Variants in PCDH15 observed in about 807,000 individuals in gnomAD.
PCDH15 encodes protocadherin related 15, also known as protocadherin-15.
In PCDH15, 129 loss-of-function variants were observed where a neutral mutation model predicts 178.5. The ratio of observed to expected loss-of-function variants is 0.72; its 90% CI spans 0.63 to 0.84. The LOEUF is 0.84. Ranked by LOEUF, PCDH15 falls within the 40% of genes least tolerant of loss-of-function variation. PCDH15 has a pLI of 0.00. For missense variants in PCDH15, 2,230 were observed against 2,099.9 expected (o/e 1.06, Z -1.21); for synonymous variants, 800 against 732.0 (o/e 1.09, Z -1.50).
intron 2 of PCDH15, among the ~76,000 whole-genome samples, chr10:55,020,069 G>A (rs1351002137): frequency 2.0e-5 from 3 of 149,674 alleles, no homozygotes; most frequent in African/African-American, 4.9e-5. Context: ...AAAGAAAATC[G>A]TAGTGGATTA....
chr10:53,851,467 A>AT (rs2078352018), intron 28 of PCDH15, among the ~76,000 whole-genome samples: 1 of 151,160 alleles, frequency 6.6e-6, no homozygotes, highest in Non-Finnish European at 1.5e-5. Context: ...AAATGCAAAA[A>AT]CTCAAAGAGT....
At chr10:54,544,351 A>G (rs768501807) in intron 2 of PCDH15, among the ~76,000 whole-genome samples, 2 of 152,186 alleles carry the variant, frequency 1.3e-5, no homozygotes, top group Admixed American at 6.5e-5. Context: ...TCTAAAACTG[A>G]ATATAATAAA....
intron 3 of PCDH15, among the ~76,000 whole-genome samples, chr10:54,417,738 C>T (rs1249114139): frequency 2.6e-5 from 4 of 151,994 alleles, no homozygotes; most frequent in Non-Finnish European, 5.9e-5. Flanking sequence ...CTGATAATTG[C>T]TACTAATTCA....
intron 2 of PCDH15, among the ~76,000 whole-genome samples, chr10:55,137,014 T>C (rs1340885772): frequency 6.6e-6 from 1 of 152,208 alleles, no homozygotes; most frequent in Admixed American, 6.5e-5. Context: ...TTTTGGCTTA[T>C]TTAAATTTAA....
At chr10:54,706,767 G>A (rs1331339051) in intron 1 of PCDH15, among the ~76,000 whole-genome samples, 1 of 152,110 alleles carries the variant, frequency 6.6e-6, no homozygotes, top group East Asian at 1.9e-4. Flanking sequence ...GGGACTACCA[G>A]TGCATGCCAC....
At chr10:54,667,139 CTTAT>C (rs1182672066) in intron 1 of PCDH15, among the ~76,000 whole-genome samples, 2 of 151,850 alleles carry the variant, frequency 1.3e-5, no homozygotes, top group Non-Finnish European at 2.9e-5. Flanking sequence ...AAATATTATA[CTTAT>C]TTGTCTTTGA....
chr10:53,976,962 C>T (rs12220450), intron 21 of PCDH15, among the ~76,000 whole-genome samples: 1 of 150,934 alleles, frequency 6.6e-6, no homozygotes, highest in Non-Finnish European at 1.5e-5. Flanking sequence ...GATACAAGAC[C>T]CTTCACTGTC....
intron 2 of PCDH15, among the ~76,000 whole-genome samples, chr10:55,477,630 G>A (rs1425434277): frequency 6.6e-6 from 1 of 151,876 alleles, no homozygotes; most frequent in African/African-American, 2.4e-5. Context: ...GATTTCGCAA[G>A]AGATGCCATC....
intron 18 of PCDH15, among the ~76,000 whole-genome samples, chr10:54,042,172 C>T (rs115188264): frequency 0.016 from 2,395 of 152,074 alleles, 65 homozygotes; most frequent in African/African-American, 0.052. Flanking sequence ...ATTTTTGTAA[C>T]GTCTTGGGTG....
intron 3 of PCDH15, among the ~76,000 whole-genome samples, chr10:54,413,833 C>T (rs1953924618): frequency 6.6e-6 from 1 of 152,000 alleles, no homozygotes; most frequent in Non-Finnish European, 1.5e-5. Context: ...CGATAATGGC[C>T]TACAATTGCA....
At chr10:54,739,941 A>G (rs1944575759) in intron 1 of PCDH15, among the ~76,000 whole-genome samples, 1 of 152,044 alleles carries the variant, frequency 6.6e-6, no homozygotes, top group Non-Finnish European at 1.5e-5. Flanking sequence ...AGAAGAAAAC[A>G]TTGGGGAAAC....
chr10:54,515,545 C>T (rs2082124876), intron 3 of PCDH15, among the ~76,000 whole-genome samples: 1 of 152,242 alleles, frequency 6.6e-6, no homozygotes, highest in Non-Finnish European at 1.5e-5. Flanking sequence ...TAGGCTCCAC[C>T]TCTGGGGGCA....
intron 2 of PCDH15, among the ~76,000 whole-genome samples, chr10:54,638,014 G>A (rs554784616): frequency 1.1e-4 from 17 of 152,046 alleles, no homozygotes; most frequent in African/African-American, 4.1e-4. Flanking sequence ...AATTCCTTCA[G>A]ATAACAGATG....
At chr10:54,535,950 A>C (rs1209341554) in intron 2 of PCDH15, among the ~76,000 whole-genome samples, 2 of 152,176 alleles carry the variant, frequency 1.3e-5, no homozygotes, top group Non-Finnish European at 2.9e-5. Context: ...TTCATACCAC[A>C]TGAGTTAGAA....
intron 9 of PCDH15, among the ~76,000 whole-genome samples, chr10:54,226,905 C>T (rs1480537365): frequency 6.6e-6 from 1 of 152,222 alleles, no homozygotes; most frequent in Non-Finnish European, 1.5e-5. Context: ...TCTCCTTTGA[C>T]TCCATGTCTC....
chr10:55,248,924 G>A (rs553816788), intron 1 of PCDH15, among the ~76,000 whole-genome samples: 2 of 152,208 alleles, frequency 1.3e-5, no homozygotes, highest in East Asian at 1.9e-4. Flanking sequence ...ATGATTTAAA[G>A]GACTTGACAA....
intron 3 of PCDH15, among the ~76,000 whole-genome samples, chr10:54,415,521 C>T (rs1954211573): frequency 6.6e-6 from 1 of 151,908 alleles, no homozygotes; most frequent in Non-Finnish European, 1.5e-5. Context: ...CAAATTTTAG[C>T]AATGGGATTA....
rs186877436 is a variant in PCDH15 at position 53,970,030 on chromosome 10, G to C, written c.2869-8138C>G. Among the ~76,000 whole-genome samples, 700 of 152,240 alleles carry C rather than the reference G, an allele frequency of 4.6e-3. 7 individuals carry two copies. The highest frequency in any genetic ancestry group is 7.6e-3 in the Non-Finnish European group (514 of 68,018). ...AACAATATTAACCTTAAATGTAAAT[G>C]GGCTGAATGCTCCAATTAAAAGACA... On this transcript the variant is annotated intron_variant, in intron 21 of 37. Transcript: ENST00000644397.
chr10:53,887,888 C>G (rs1201679283), intron 26 of PCDH15, among the ~76,000 whole-genome samples: 1 of 151,532 alleles, frequency 6.6e-6, no homozygotes, highest in East Asian at 1.9e-4. Context: ...GACTCCATCT[C>G]CAAAAAATAA....
Sources: gnomAD v4.1 joint callset for allele counts (sites outside exome capture counted in the v4.1 genomes callset) on GRCh38, gnomAD v4.1.1 for gene constraint, MANE v1.5 for transcripts, NCBI Gene and HGNC (gene_info 2026-07-23, HGNC 2026-07-21) for gene names.